The following COX7B2 variants were observed in gnomAD, a reference collection of about 807,000 sequenced individuals.
COX7B2 encodes the protein cytochrome c oxidase subunit 7B2.
For synonymous variants in COX7B2, 37 were observed against 32.1 expected, an observed-to-expected ratio of 1.15 and a Z score of -0.51; for missense variants, 109 against 95.9, an observed-to-expected ratio of 1.14 and a Z score of -0.57.
intron 1 of COX7B2, among the ~76,000 whole-genome samples, chr4:46,892,244 C>T (rs1272294134): frequency 6.6e-6 from 1 of 152,114 alleles, no homozygotes; most frequent in Non-Finnish European, 1.5e-5. Context: ...AAAAGAAAAG[C>T]AATATTACAC....
chr4:46,813,885 C>T (rs1719414496), intron 2 of COX7B2, among the ~76,000 whole-genome samples: 1 of 152,040 alleles, frequency 6.6e-6, no homozygotes, highest in Non-Finnish European at 1.5e-5. Flanking sequence ...TCTGAATAGA[C>T]ATTTCTCAAA....
At chr4:46,813,925 T>A (rs1719416526) in intron 2 of COX7B2, among the ~76,000 whole-genome samples, 1 of 151,914 alleles carries the variant, frequency 6.6e-6, no homozygotes, top group Admixed American at 6.6e-5. Flanking sequence ...AAGAAATATA[T>A]GAAAAAAAGT....
At chr4:46,775,646 G>A (rs1717116670) in intron 2 of COX7B2, among the ~76,000 whole-genome samples, 2 of 152,056 alleles carry the variant, frequency 1.3e-5, no homozygotes, top group Admixed American at 1.3e-4. Context: ...TATTACAGCA[G>A]CAAGATACAC....
chr4:46,772,237 C>A (rs1466617666), intron 2 of COX7B2, among the ~76,000 whole-genome samples: 2 of 151,954 alleles, frequency 1.3e-5, no homozygotes, highest in Non-Finnish European at 2.9e-5. Flanking sequence ...TATATGGAAC[C>A]TAAAAAAATC....
At chr4:46,894,133 C>A (rs1719606548) in intron 1 of COX7B2, among the ~76,000 whole-genome samples, 1 of 152,076 alleles carries the variant, frequency 6.6e-6, no homozygotes, top group Admixed American at 6.6e-5. Flanking sequence ...AAACTACCAA[C>A]AATGTTCTTC....
chr4:46,739,455 C>T (rs188866364), intron 2 of COX7B2, among the ~76,000 whole-genome samples: 5 of 152,130 alleles, frequency 3.3e-5, no homozygotes, highest in African/African-American at 1.2e-4. Context: ...CTGTACGTTA[C>T]AGCCTGGGAT....
intron 2 of COX7B2, among the ~76,000 whole-genome samples, chr4:46,751,312 A>G (rs1715358422): frequency 6.6e-6 from 1 of 151,404 alleles, no homozygotes; most frequent in Non-Finnish European, 1.5e-5. Flanking sequence ...GCAAAAGCAT[A>G]CATATGAACT....
At chr4:46,876,591 A>C (rs1362967874) in intron 1 of COX7B2, 2 of 152,010 alleles carry the variant, frequency 1.3e-5, no homozygotes, top group Admixed American at 1.3e-4. Context: ...TTTTTTTAGT[A>C]GAGACAGGGT....
intron 2 of COX7B2, among the ~76,000 whole-genome samples, chr4:46,779,105 C>T (rs1331101636): frequency 6.6e-6 from 1 of 152,154 alleles, no homozygotes; most frequent in Admixed American, 6.5e-5. Context: ...TAATGAATAA[C>T]CAATGTTATA....
intron 2 of COX7B2, among the ~76,000 whole-genome samples, chr4:46,802,924 G>A (rs1228872900): frequency 6.6e-6 from 1 of 152,092 alleles, no homozygotes; most frequent in African/African-American, 2.4e-5. Flanking sequence ...CTTAAAAATA[G>A]GCTTCCTGAG....
intron 2 of COX7B2, among the ~76,000 whole-genome samples, chr4:46,771,937 A>G (rs533257835): frequency 4.1e-4 from 63 of 152,088 alleles, no homozygotes; most frequent in Non-Finnish European, 7.6e-4. Context: ...AAAAGTTTCA[A>G]ATTTTGGAGT....
At chr4:46,892,931 T>C (rs967756205) in intron 1 of COX7B2, among the ~76,000 whole-genome samples, 2 of 152,180 alleles carry the variant, frequency 1.3e-5, no homozygotes, top group Admixed American at 1.3e-4. Flanking sequence ...CTGATGGTTT[T>C]AAAAGGGGCT....
At chr4:46,835,551 CAG>C (rs1715458653) in intron 2 of COX7B2, among the ~76,000 whole-genome samples, 1 of 152,036 alleles carries the variant, frequency 6.6e-6, no homozygotes, top group Non-Finnish European at 1.5e-5. Flanking sequence ...CCTGGTGAAA[CAG>C]AAGTGAAAAT....
At chr4:46,875,198 A>AT (rs1718247616) in intron 1 of COX7B2, among the ~76,000 whole-genome samples, 3 of 152,158 alleles carry the variant, frequency 2.0e-5, no homozygotes, top group East Asian at 1.9e-4. Flanking sequence ...AATTTTGTAG[A>AT]TTTTTTGGAA....
At position 46,845,023 on chromosome 4, in the gene COX7B2, A is replaced by G. The variant is rs934790180; in HGVS notation, c.-104-9T>C. On this transcript the variant is annotated splice_polypyrimidine_tract_variant and intron_variant, in intron 1 of 2. Coordinates refer to ENST00000355591, the MANE Select transcript of COX7B2 (RefSeq NM_130902.3). ...GTTTCAGATTCTGCTTCCTAAAAAAATGCAATTAGAAAATTAGTGTCAGAT... is the reference window on the plus strand; with the variant it reads ...GTTTCAGATTCTGCTTCCTAAAAAAGTGCAATTAGAAAATTAGTGTCAGAT... 1 of 152,042 alleles carries G rather than the reference A, an allele frequency of 6.6e-6. No homozygotes were observed. Among genetic ancestry groups the G allele is most frequent in the Non-Finnish European group, 1.5e-5 (1 of 67,960 alleles). The allele number at this position is 152,042 out of a possible 1,614,324, so 9.4% of individuals were successfully genotyped here. A position where few individuals can be genotyped will look rare whatever the true frequency, so the allele number is the denominator to read the frequency against.
intron 2 of COX7B2, among the ~76,000 whole-genome samples, chr4:46,782,268 T>C (rs1407306214): frequency 6.6e-6 from 1 of 151,966 alleles, no homozygotes; most frequent in African/African-American, 2.4e-5. Flanking sequence ...TGGAGAACTT[T>C]TATGTCTAGC....
chr4:46,799,089 T>C (rs1185916819), intron 2 of COX7B2, among the ~76,000 whole-genome samples: 4 of 152,172 alleles, frequency 2.6e-5, no homozygotes, highest in Non-Finnish European at 4.4e-5. Context: ...TGGTTAGCTG[T>C]ATTCTGAAGG....
At chr4:46,900,925 C>A (rs1720039075) in intron 1 of COX7B2, among the ~76,000 whole-genome samples, 1 of 152,098 alleles carries the variant, frequency 6.6e-6, no homozygotes, top group African/African-American at 2.4e-5. Flanking sequence ...CCCAAAAAGA[C>A]AAAGACAAAT....
intron 1 of COX7B2, among the ~76,000 whole-genome samples, chr4:46,846,465 G>T (rs928376152): frequency 6.6e-6 from 1 of 151,904 alleles, no homozygotes; most frequent in African/African-American, 2.4e-5. Context: ...CAGCAAAAAG[G>T]TGAATAGGGT....
Sources: allele counts gnomAD v4.1 joint callset (sites outside exome capture counted in the v4.1 genomes callset), GRCh38; gene constraint gnomAD v4.1.1; transcripts MANE v1.5; gene names NCBI Gene and HGNC (gene_info 2026-07-23, HGNC 2026-07-21).